The following ALDH4A1 variants were observed in gnomAD, a reference collection of about 807,000 sequenced individuals.
ALDH4A1 encodes the protein aldehyde dehydrogenase 4 family member A1, also known as delta-1-pyrroline-5-carboxylate dehydrogenase, mitochondrial.
A neutral mutation model predicts 70.5 loss-of-function variants in ALDH4A1; 46 were observed. That is an observed-to-expected ratio of 0.65 (90% CI 0.51 to 0.83). The LOEUF (loss-of-function observed/expected upper bound fraction) is 0.83. Among genes scored for constraint, ALDH4A1 ranks in the 40% least tolerant of loss-of-function variants. The pLI is 0.00. For synonymous variants in ALDH4A1, 323 were observed against 324.3 expected (o/e 1.00, Z 0.04); for missense variants, 749 against 766.5 (o/e 0.98, Z 0.27).
At chr1:18,886,564 G>C (rs1935211541) in intron 3 of ALDH4A1, 53 bp from the exon 4 acceptor site, 3 of 1,588,468 alleles carry the variant, frequency 1.9e-6, no homozygotes, top group Non-Finnish European at 8.6e-7. Flanking sequence ...GCCAGGATAA[G>C]GATGAAGAGG....
intron 9 of ALDH4A1, 47 bp downstream of exon 9, chr1:18,879,253 A>T: frequency 6.6e-7 from 1 of 1,526,262 alleles, no homozygotes; most frequent in East Asian, 2.4e-5. Flanking sequence ...TGGCCAGGGG[A>T]GGGGTCCCTG....
intron 1 of ALDH4A1, among the ~76,000 whole-genome samples, chr1:18,896,824 A>C (rs75842215): frequency 0.071 from 10,854 of 152,016 alleles, 684 homozygotes; most frequent in African/African-American, 0.17. Flanking sequence ...ACCCGGGAAG[A>C]AGAGGTTGGA....
chr1:18,877,206 A>G lies in ALDH4A1; in HGVS notation c.1185+2T>C, dbSNP rs1170442541. The G allele has an allele frequency of 6.2e-7, 1 of 1,607,816 alleles. No individual in the cohort carries two copies. Among genetic ancestry groups the G allele is most frequent in the East Asian group, 2.2e-5 (1 of 44,582 alleles). ...CAGGAACGCCCACTTCCCACCCCGT[A>G]CCTTGGCATCAATCACTGCAGAGAA... is the stretch of plus-strand genomic sequence containing the variant. On this transcript the variant is annotated splice_donor_variant, in intron 11 of 14. Transcript: ENST00000375341. LOFTEE classifies it high-confidence loss of function.
intron 3 of ALDH4A1, among the ~76,000 whole-genome samples, chr1:18,886,768 C>A (rs1009006438): frequency 9.2e-5 from 14 of 152,282 alleles, no homozygotes; most frequent in Admixed American, 8.5e-4. Context: ...AAGGCATAGA[C>A]CCCAGGGTCT....
At chr1:18,887,814 C>T (rs1041598706) in intron 3 of ALDH4A1, among the ~76,000 whole-genome samples, 7 of 152,212 alleles carry the variant, frequency 4.6e-5, no homozygotes, top group African/African-American at 1.7e-4. Context: ...AAGCTGGTCC[C>T]CCACTTCCTC....
At chr1:18,890,539 A>G (rs1275628629) in intron 1 of ALDH4A1, among the ~76,000 whole-genome samples, 1 of 151,176 alleles carries the variant, frequency 6.6e-6, no homozygotes, top group East Asian at 2.0e-4. Flanking sequence ...AGAGCGAAAA[A>G]CTCCATCTCA....
At chr1:18,889,116 T>G (rs1935333640) in intron 3 of ALDH4A1, among the ~76,000 whole-genome samples, 1 of 152,220 alleles carries the variant, frequency 6.6e-6, no homozygotes, top group African/African-American at 2.4e-5. Flanking sequence ...TAACAGAAGA[T>G]GCTGTGTGGC....
chr1:18,891,733 A>G (rs77532991), intron 1 of ALDH4A1, among the ~76,000 whole-genome samples: 1,628 of 152,310 alleles, frequency 0.011, 27 homozygotes, highest in East Asian at 0.062. Context: ...TTAGACAAAA[A>G]TCATGAAGAG....
At chr1:18,890,241 G>C (rs1455005196) in intron 1 of ALDH4A1, 136 bp from the exon 2 acceptor site, 10 of 739,164 alleles carry the variant, frequency 1.4e-5, no homozygotes, top group Admixed American at 4.3e-5. Context: ...AGAAAGTGGG[G>C]GGTCAAAACC....
At chr1:18,885,427 T>TACCCCCCCCCCCCCCCCCCCCCCCCC in intron 5 of ALDH4A1, 46 bp downstream of exon 5, 82 of 650,890 alleles carry the variant, frequency 1.3e-4, no homozygotes, top group Middle Eastern at 1.3e-3. Context: ...CACACCTGAC[T>TACCCCCCCCCCCCCCCCCCCCCCCCC]CCCACCCCAC....
chr1:18,887,667 C>T (rs1361008958), intron 3 of ALDH4A1, among the ~76,000 whole-genome samples: 2 of 152,162 alleles, frequency 1.3e-5, no homozygotes, highest in Non-Finnish European at 2.9e-5. Flanking sequence ...GATGACATCC[C>T]ACCGGAGAGG....
At chr1:18,890,507 A>G (rs1330701620) in intron 1 of ALDH4A1, among the ~76,000 whole-genome samples, 3 of 152,288 alleles carry the variant, frequency 2.0e-5, no homozygotes, top group South Asian at 2.1e-4. Flanking sequence ...AGATCGTGCC[A>G]CTGCACTCCA....
intron 9 of ALDH4A1, 134 bp downstream of exon 9, chr1:18,879,166 G>T: frequency 1.2e-6 from 1 of 833,106 alleles, no homozygotes; most frequent in Non-Finnish European, 2.0e-6. Flanking sequence ...AAGTTCTACT[G>T]GGCAGTGCTG....
intron 1 of ALDH4A1, among the ~76,000 whole-genome samples, chr1:18,895,503 T>G (rs117441947): frequency 1.3e-5 from 2 of 152,310 alleles, no homozygotes; most frequent in East Asian, 3.9e-4. Context: ...ATGAAGGCCA[T>G]GCACCATTTC....
chr1:18,885,431 A>ACCCCACCCCCC, intron 5 of ALDH4A1, 42 bp downstream of exon 5: 4 of 478,978 alleles, frequency 8.4e-6, no homozygotes, highest in East Asian at 4.3e-5. Context: ...CCTGACTCCC[A>ACCCCACCCCCC]CCCCACCCCG....
At chr1:18,885,427 TCCCACCCCACCCC>T in intron 5 of ALDH4A1, 33 bp downstream of exon 5, 1 of 650,920 alleles carries the variant, frequency 1.5e-6, no homozygotes, top group Non-Finnish European at 2.7e-6. Flanking sequence ...CACACCTGAC[TCCCACCCCACCCC>T]GCCCCACCCA....
chr1:18,892,927 A>T (rs1250061395), intron 1 of ALDH4A1, among the ~76,000 whole-genome samples: 1 of 152,220 alleles, frequency 6.6e-6, no homozygotes, highest in African/African-American at 2.4e-5. Flanking sequence ...ACAGTCCCTC[A>T]GGAAGGGACA....
Position 18,875,367 on chromosome 1 carries a change from G to T in ALDH4A1, c.1460+15C>A, listed in dbSNP as rs371777923. The T allele has an allele frequency of 6.2e-7, 1 of 1,613,886 alleles. No homozygotes were observed. The highest frequency in any genetic ancestry group is 1.3e-5 in the African/African-American group (1 of 74,910). On this transcript the variant is annotated intron_variant, in intron 13 of 14. Transcript: ENST00000375341. Reference sequence around the variant, plus strand: ...ACCCGGAGCACAGCACCAGGGCTGCGGCCTGGCCACTCACTTATCCTGGGA... The same window carrying T: ...ACCCGGAGCACAGCACCAGGGCTGCTGCCTGGCCACTCACTTATCCTGGGA...
At chr1:18,884,525 A>G (rs1251627997) in intron 5 of ALDH4A1, among the ~76,000 whole-genome samples, 1 of 151,566 alleles carries the variant, frequency 6.6e-6, no homozygotes, top group East Asian at 1.9e-4. Flanking sequence ...TCCTCACTCA[A>G]CTTGCATTTA....
Sources: allele counts gnomAD v4.1 joint callset (sites outside exome capture counted in the v4.1 genomes callset), GRCh38; gene constraint gnomAD v4.1.1; transcripts MANE v1.5; gene names NCBI Gene and HGNC (gene_info 2026-07-23, HGNC 2026-07-21).